SMAD2: variants seen among roughly 807,000 people sequenced by gnomAD.
The protein encoded by SMAD2 is SMAD family member 2.
A neutral mutation model predicts 64.4 loss-of-function variants in SMAD2; 8 were observed. That is an observed-to-expected ratio of 0.12 (90% CI 0.07 to 0.22). The LOEUF is 0.22. SMAD2 is among the 10% of genes least tolerant of loss of function. SMAD2 has a pLI of 1.00. For missense variants in SMAD2, 289 were observed against 561.2 expected, an observed-to-expected ratio of 0.51 and a Z score of 4.90; for synonymous variants, 203 against 195.8, an observed-to-expected ratio of 1.04 and a Z score of -0.31.
At chr18:47,920,372 C>T (rs2034513494) in intron 1 of SMAD2, among the ~76,000 whole-genome samples, 1 of 152,168 alleles carries the variant, frequency 6.6e-6, no homozygotes, top group South Asian at 2.1e-4. Context: ...TTTCAATTCG[C>T]AATCCGTATT....
At chr18:47,853,744 AATCT>A (rs2030382925) in intron 6 of SMAD2, among the ~76,000 whole-genome samples, 1 of 28,660 alleles carries the variant, frequency 3.5e-5, no homozygotes, top group African/African-American at 1.3e-4. Context: ...CAGTTTGAAA[AATCT>A]GCTGGCAAGT....
chr18:47,834,413 G>A lies in SMAD2; in HGVS notation c.*7414C>T. ...ACATATATACAAAACTCTGCTAAAA[G>A]TTTTGTATCCAGGGAAAGTCCCGCA... is the stretch of plus-strand genomic sequence containing the variant. On this transcript the variant is annotated 3_prime_UTR_variant, in exon 11 of 11. Coordinates refer to ENST00000262160, the MANE Select transcript of SMAD2 (RefSeq NM_005901.6). 1 of 207,170 alleles carries A rather than the reference G, an allele frequency of 4.8e-6. No individual in the cohort carries two copies. Among genetic ancestry groups the A allele is most frequent in the East Asian group, 7.3e-5 (1 of 13,740 alleles). 12.8% of individuals were successfully genotyped at this position (207,170 alleles called of 1,614,324 possible). A position where few individuals can be genotyped will look rare whatever the true frequency, so the allele number is the denominator to read the frequency against.
In SMAD2 at chr18:47,813,896, C is replaced by G. The variant is rs751955088; in HGVS notation, c.*27931G>C. On this transcript the variant is annotated 3_prime_UTR_variant, in exon 11 of 11. Transcript: ENST00000262160. ...AACAAGAAAGGTAGGCATAGATAGGCCTAATTATGATGAATGCTCTCTTAC... is the reference window on the plus strand; with the variant it reads ...AACAAGAAAGGTAGGCATAGATAGGGCTAATTATGATGAATGCTCTCTTAC... 1 of 151,728 alleles carries G rather than the reference C, an allele frequency of 6.6e-6. No homozygotes were observed. The highest frequency in any genetic ancestry group is 1.9e-4 in the East Asian group (1 of 5,156). The allele number at this position is 151,728 out of a possible 1,614,324, so 9.4% of individuals were successfully genotyped here.
intron 1 of SMAD2, among the ~76,000 whole-genome samples, chr18:47,911,777 A>G (rs2034145428): frequency 6.6e-6 from 1 of 152,264 alleles, no homozygotes; most frequent in African/African-American, 2.4e-5. Flanking sequence ...TGGTAGACCT[A>G]TAATACGACA....
At chr18:47,854,716 T>A (rs903309751) in intron 6 of SMAD2, among the ~76,000 whole-genome samples, 2 of 152,114 alleles carry the variant, frequency 1.3e-5, no homozygotes, top group Admixed American at 6.5e-5. Context: ...ACTTTTTTTT[T>A]AGAGTAGTTT....
chr18:47,868,607 G>A, intron 4 of SMAD2, 150 bp from the exon 5 acceptor site: 1 of 649,514 alleles, frequency 1.5e-6, no homozygotes, highest in Non-Finnish European at 2.7e-6. Context: ...CTGAGAAAAT[G>A]ACAAATCTGA....
intron 2 of SMAD2, among the ~76,000 whole-genome samples, chr18:47,872,188 C>T (rs1429288849): frequency 6.6e-6 from 1 of 152,134 alleles, no homozygotes; most frequent in African/African-American, 2.4e-5. Flanking sequence ...ATATTTAAGC[C>T]TCAGTTCCAT....
rs964073716 is a variant in SMAD2, at chr18:47,838,415, G to A, written c.*3412C>T. 6.4e-5 allele frequency: 15 copies of A among 233,154 alleles called. No homozygotes were observed. In the Admixed American group the frequency reaches 6.7e-4, roughly 10 times the overall value. 14.4% of individuals were successfully genotyped at this position (233,154 alleles called of 1,614,324 possible). On this transcript the variant is annotated 3_prime_UTR_variant, in exon 11 of 11. Coordinates refer to ENST00000262160, the MANE Select transcript of SMAD2 (RefSeq NM_005901.6). ...CTCTACAAGACCAAGCACAGCTCAA[G>A]GGTCAGGGCCCCGTCCTAGTCATCT... is the stretch of plus-strand genomic sequence containing the variant.
intron 6 of SMAD2, among the ~76,000 whole-genome samples, chr18:47,857,051 G>T (rs944367833): frequency 2.0e-5 from 3 of 151,790 alleles, no homozygotes; most frequent in Non-Finnish European, 4.4e-5. Flanking sequence ...TAGAGACGGG[G>T]TTTCACCGTT....
At position 47,827,770 on chromosome 18, in the gene SMAD2, G is replaced by A. The variant is rs963180052; in HGVS notation, c.*14057C>T. 16 of 181,068 alleles carry A rather than the reference G, an allele frequency of 8.8e-5. No individual in the cohort carries two copies. Among genetic ancestry groups the A allele is most frequent in the African/African-American group, 1.2e-4 (5 of 41,816 alleles). 11.2% of individuals were successfully genotyped at this position (181,068 alleles called of 1,614,324 possible). ...GTGCTGGGATTGCAGATGGAGTCTC[G>A]CTCACTCAGTGCTCAATGTTGCCCA... On this transcript the variant is annotated 3_prime_UTR_variant, in exon 11 of 11. Coordinates refer to ENST00000262160, the MANE Select transcript of SMAD2 (RefSeq NM_005901.6).
chr18:47,902,675 G>A (rs1018610050), intron 1 of SMAD2, among the ~76,000 whole-genome samples: 1 of 152,158 alleles, frequency 6.6e-6, no homozygotes, highest in Non-Finnish European at 1.5e-5. Flanking sequence ...GACGTAGAAA[G>A]TTACAACAGA....
In SMAD2 at chr18:47,825,395, T is replaced by C. The variant is rs1912715936; in HGVS notation, c.*16432A>G. The C allele has an allele frequency of 6.6e-6, 1 of 152,394 alleles. No individual in the cohort carries two copies. Among genetic ancestry groups the C allele is most frequent in the Admixed American group, 6.5e-5 (1 of 15,312 alleles). 9.4% of individuals were successfully genotyped at this position (152,394 alleles called of 1,614,324 possible). A position where few individuals can be genotyped will look rare whatever the true frequency, so the allele number is the denominator to read the frequency against. ...GCTCTTGCAATGAGTTCTCACTCTC[T>C]CAAGACTAGATTAGTCCCCAGGAGT... On this transcript the variant is annotated 3_prime_UTR_variant, in exon 11 of 11. Coordinates refer to ENST00000262160, the MANE Select transcript of SMAD2 (RefSeq NM_005901.6).
intron 1 of SMAD2, among the ~76,000 whole-genome samples, chr18:47,926,527 T>C (rs1457235972): frequency 6.6e-6 from 1 of 151,238 alleles, no homozygotes. Context: ...CCACACCCCC[T>C]CTAAGCCTCC....
chr18:47,891,080 G>A (rs1304208247), intron 2 of SMAD2, among the ~76,000 whole-genome samples: 13 of 152,114 alleles, frequency 8.5e-5, no homozygotes, highest in South Asian at 2.1e-4. Flanking sequence ...CGAGGCGGGC[G>A]GGTCACCTGA....
chr18:47,883,326 A>C (rs2032716346), intron 2 of SMAD2, among the ~76,000 whole-genome samples: 1 of 152,182 alleles, frequency 6.6e-6, no homozygotes, highest in Admixed American at 6.5e-5. Flanking sequence ...TATTGGTATT[A>C]ATTTCTTATT....
chr18:47,860,116 G>A (rs1408365288), intron 6 of SMAD2, among the ~76,000 whole-genome samples: 2 of 151,958 alleles, frequency 1.3e-5, no homozygotes. Flanking sequence ...CCTGGGCAAC[G>A]AAGTGAGATC....
rs1912710947 is a variant in SMAD2 at position 47,825,290 on chromosome 18, T to C, written c.*16537A>G. On this transcript the variant is annotated 3_prime_UTR_variant, in exon 11 of 11. Transcript: ENST00000262160. ...AATGTATGATGAGATTTTATCTTCA[T>C]TGTGGTGGTGTTGAGAGCTGGGGCC... 2 of 152,220 alleles carry C rather than the reference T, an allele frequency of 1.3e-5. No homozygotes were observed. The highest frequency in any genetic ancestry group is 2.9e-5 in the Non-Finnish European group (2 of 68,048). 9.4% of individuals were successfully genotyped at this position (152,220 alleles called of 1,614,324 possible).
intron 8 of SMAD2, among the ~76,000 whole-genome samples, chr18:47,846,804 T>C (rs1050046457): frequency 2.0e-5 from 3 of 152,176 alleles, no homozygotes; most frequent in Non-Finnish European, 4.4e-5. Flanking sequence ...TCTGGACTCC[T>C]GACCCACAGA....
At chr18:47,930,049 G>A (rs960990808) in intron 1 of SMAD2, among the ~76,000 whole-genome samples, 4 of 152,048 alleles carry the variant, frequency 2.6e-5, no homozygotes, top group African/African-American at 9.7e-5. Context: ...CACAACTCCT[G>A]AAACAAGAGC....
Sources: allele counts gnomAD v4.1 joint callset (sites outside exome capture counted in the v4.1 genomes callset), GRCh38; gene constraint gnomAD v4.1.1; transcripts MANE v1.5; gene names NCBI Gene and HGNC (gene_info 2026-07-23, HGNC 2026-07-21).